ALK: variants seen among roughly 807,000 people sequenced by gnomAD.
The protein encoded by ALK is ALK tyrosine kinase receptor.
A neutral mutation model predicts 163.1 loss-of-function variants in ALK; 74 were observed. That is an observed-to-expected ratio of 0.45 (90% CI 0.38 to 0.55). The LOEUF is 0.55. ALK is among the 20% of genes least tolerant of loss of function. ALK has a pLI of 0.00. For synonymous variants in ALK, 960 were observed against 843.2 expected (o/e 1.14, Z -2.40); for missense variants, 2,063 against 2,105.3 (o/e 0.98, Z 0.39).
chr2:29,455,625 C>T (rs1397180756), intron 4 of ALK, among the ~76,000 whole-genome samples: 3 of 152,154 alleles, frequency 2.0e-5, no homozygotes, highest in African/African-American at 4.8e-5. Context: ...ATCTAATTGG[C>T]TGCAGAAGGG....
intron 4 of ALK, among the ~76,000 whole-genome samples, chr2:29,441,911 G>C (rs932357376): frequency 6.6e-6 from 1 of 152,128 alleles, no homozygotes; most frequent in Admixed American, 6.6e-5. Flanking sequence ...TATGATCATA[G>C]GAAAGAAAAC....
intron 1 of ALK, among the ~76,000 whole-genome samples, chr2:29,828,544 C>T (rs1326245771): frequency 1.3e-5 from 2 of 152,088 alleles, no homozygotes; most frequent in African/African-American, 2.4e-5. Context: ...TTTATGCAGC[C>T]AAAAGACACA....
intron 1 of ALK, among the ~76,000 whole-genome samples, chr2:29,825,927 G>C (rs937084914): frequency 1.3e-5 from 2 of 152,194 alleles, no homozygotes; most frequent in African/African-American, 4.8e-5. Flanking sequence ...GGTTAGAACA[G>C]AGTGACTATG....
chr2:29,873,869 T>C (rs750532125), intron 1 of ALK, among the ~76,000 whole-genome samples: 11 of 151,920 alleles, frequency 7.2e-5, no homozygotes, highest in Non-Finnish European at 1.0e-4. Flanking sequence ...ACTCTGGGCA[T>C]CAAAATCGCT....
chr2:29,714,215 G>C (rs927879847), intron 2 of ALK, among the ~76,000 whole-genome samples: 2 of 152,132 alleles, frequency 1.3e-5, no homozygotes, highest in South Asian at 2.1e-4. Context: ...CCTTAGGGGA[G>C]GAATGTGCAG....
chr2:29,833,419 C>T (rs535705852), intron 1 of ALK, among the ~76,000 whole-genome samples: 1 of 152,340 alleles, frequency 6.6e-6, no homozygotes. Flanking sequence ...TGGACACGAT[C>T]ATCTCTCATG....
Position 29,328,363 on chromosome 2 carries a change from C to T in ALK, c.1401G>A (p.Glu467=). The change falls in exon 6 of 29, where the codon GAG becomes GAA. Residue 467 remains glutamate, a synonymous_variant. Coordinates refer to ENST00000389048, the MANE Select transcript of ALK (RefSeq NM_004304.5). ...CCATCTACTCACGGCACATCTGGCT[C>T]TCATCTTCTCCCTGGGCACAGTCCT... ...FHQDCAQGED[E]SQMCRKLPVG... 6.2e-7 allele frequency: 1 copy of T among 1,614,148 alleles called. No homozygotes were observed. The highest frequency in any genetic ancestry group is 1.1e-5 in the South Asian group (1 of 91,076).
At chr2:29,217,429 C>T (rs960405491) in intron 23 of ALK, among the ~76,000 whole-genome samples, 3 of 151,804 alleles carry the variant, frequency 2.0e-5, no homozygotes, top group Admixed American at 6.6e-5. Context: ...TTGGCAAACC[C>T]GATGCTGAAT....
intron 3 of ALK, among the ~76,000 whole-genome samples, chr2:29,678,882 T>A (rs1445762867): frequency 1.3e-5 from 2 of 151,778 alleles, no homozygotes; most frequent in African/African-American, 4.8e-5. Context: ...AAGGTGTTTA[T>A]TTGTCAGTTA....
intron 5 of ALK, among the ~76,000 whole-genome samples, chr2:29,334,410 C>T (rs1293225651): frequency 1.3e-5 from 2 of 152,178 alleles, no homozygotes; most frequent in Non-Finnish European, 2.9e-5. Context: ...TTGAGAATAC[C>T]AAAGCTCCGA....
intron 1 of ALK, among the ~76,000 whole-genome samples, chr2:29,792,893 G>A (rs558659202): frequency 3.9e-5 from 6 of 152,088 alleles, no homozygotes; most frequent in Non-Finnish European, 7.4e-5. Flanking sequence ...TGCTGATGGA[G>A]GGTCTTGCCT....
chr2:29,569,570 CCCT>C (rs386644350), intron 3 of ALK, among the ~76,000 whole-genome samples: 2 of 99,578 alleles, frequency 2.0e-5, no homozygotes, highest in African/African-American at 9.5e-5. Flanking sequence ...TCTTCCCCCC[CCCT>C]AGTGAGGTCC....
chr2:29,229,197 AG>A, intron 15 of ALK, 131 bp from the exon 16 acceptor site: 1 of 796,948 alleles, frequency 1.3e-6, no homozygotes, highest in Non-Finnish European at 2.2e-6. Context: ...GCCCATCTTC[AG>A]TGGGGCCTGG....
chr2:29,196,753 G>A lies in ALK; in HGVS notation c.4164+17C>T, dbSNP rs1185203203. 3 of 1,591,058 alleles carry A rather than the reference G, an allele frequency of 1.9e-6. No individual in the cohort carries two copies. Among genetic ancestry groups the A allele is most frequent in the South Asian group, 2.2e-5 (2 of 90,622 alleles). ...TCATATAGAGTAAATGTTGACCAAA[G>A]GGAGAAAATGTTTTACCTGGGTGCA... On this transcript the variant is annotated intron_variant, in intron 28 of 28. Coordinates refer to ENST00000389048, the MANE Select transcript of ALK (RefSeq NM_004304.5).
intron 24 of ALK, among the ~76,000 whole-genome samples, chr2:29,212,407 C>CTGAT (rs1467893553): frequency 4.6e-5 from 7 of 152,284 alleles, no homozygotes; most frequent in African/African-American, 7.2e-5. Flanking sequence ...AAGAACAGAA[C>CTGAT]TGATAGACTC....
Position 29,590,467 on chromosome 2 carries a change from C to T in ALK, c.953-58351G>A, listed in dbSNP as rs1322030405. Among the ~76,000 whole-genome samples the T allele has an allele frequency of 3.9e-5, 6 of 152,114 alleles. No individual in the cohort carries two copies. In the South Asian group the frequency reaches 1.0e-3, roughly 26 times the overall value. On this transcript the variant is annotated intron_variant, in intron 3 of 28. Transcript: ENST00000389048. ...AGGTTCCTGAACCTTCTCCTAGGCA[C>T]GTCTGTGTCCTCGTTTATAAAACCC...
Position 29,514,070 on chromosome 2 carries a change from A to G in ALK, c.1154+17845T>C, listed in dbSNP as rs1278671496. Among the ~76,000 whole-genome samples the G allele has an allele frequency of 5.9e-5, 6 of 102,152 alleles. 2 individuals carry two copies. Among genetic ancestry groups the G allele is most frequent in the Non-Finnish European group, 8.1e-5 (4 of 49,104 alleles). The allele number at this position is 102,152 out of a possible 152,430, so 67.0% of individuals were successfully genotyped here. A position where few individuals can be genotyped will look rare whatever the true frequency, so the allele number is the denominator to read the frequency against. ...GTTGGTGAGACTGTAAACTAGTTCA[A>G]CCATTGTGGAAGTCAGTGTGGCGAT... On this transcript the variant is annotated intron_variant, in intron 4 of 28. Transcript: ENST00000389048.
chr2:29,266,954 CT>C (rs1665237854), intron 11 of ALK, among the ~76,000 whole-genome samples: 1 of 152,248 alleles, frequency 6.6e-6, no homozygotes. Context: ...TAATCACACC[CT>C]TGTGTAACCT....
At chr2:29,504,582 G>A (rs913156067) in intron 4 of ALK, among the ~76,000 whole-genome samples, 2 of 152,064 alleles carry the variant, frequency 1.3e-5, no homozygotes, top group Non-Finnish European at 2.9e-5. Context: ...AATTGACAGG[G>A]TTTGCTCTCA....
Sources: allele counts gnomAD v4.1 joint callset (sites outside exome capture counted in the v4.1 genomes callset), GRCh38; gene constraint gnomAD v4.1.1; transcripts MANE v1.5; gene names NCBI Gene and HGNC (gene_info 2026-07-23, HGNC 2026-07-21).